Variants in E2F3 observed in about 807,000 individuals in gnomAD.
E2F3 encodes transcription factor E2F3.
E2F3 carries 11 observed loss-of-function variants against 44.4 expected under a neutral mutation model. The ratio of observed to expected loss-of-function variants is 0.25; its 90% CI spans 0.16 to 0.41. The LOEUF (loss-of-function observed/expected upper bound fraction) is 0.41, where lower values mean the gene tolerates loss of function less well. Ranked by LOEUF, E2F3 falls within the 10% of genes least tolerant of loss-of-function variation. E2F3 has a pLI of 1.00. For missense variants in E2F3, 487 were observed against 583.6 expected (o/e 0.83, Z 1.70); for synonymous variants, 249 against 253.0 (o/e 0.98, Z 0.15).
Position 20,402,709 on chromosome 6 carries a change from C to T in E2F3, c.393+84C>T. The T allele has an allele frequency of 7.9e-7, 1 of 1,271,990 alleles. No homozygotes were observed. Among genetic ancestry groups the T allele is most frequent in the East Asian group, 3.2e-5 (1 of 31,070 alleles). The allele number at this position is 1,271,990 out of a possible 1,614,324, so 78.8% of individuals were successfully genotyped here. A position where few individuals can be genotyped will look rare whatever the true frequency, so the allele number is the denominator to read the frequency against. On this transcript the variant is annotated intron_variant, in intron 1 of 6. Transcript: ENST00000346618. This position sits in a 1 kb window ranked among gnomAD's most constrained non-coding sequence, Gnocchi z 5.6. ...GGGGTCGTGGGCGCGCTGCGGGCCG[C>T]TCGGGGAGAGCACTGGGCCGAGCAT...
In E2F3 at chr6:20,435,051, T is replaced by C. The variant is rs553764583; in HGVS notation, c.393+32426T>C. On this transcript the variant is annotated intron_variant, in intron 1 of 6. Coordinates refer to ENST00000346618, the MANE Select transcript of E2F3 (RefSeq NM_001949.5). ...GTAAATGGGTGTGGTCCTGGACAAG[T>C]GAGGTCCTGCTGGATTATTTAAGAA... is the stretch of plus-strand genomic sequence containing the variant. Among the ~76,000 whole-genome samples the C allele has an allele frequency of 6.6e-5, 10 of 152,348 alleles. No homozygotes were observed. The East Asian group carries it at 1.9e-3, about 29-fold the overall frequency.
At chr6:20,483,315 A>G (rs764652097) in intron 4 of E2F3, among the ~76,000 whole-genome samples, 45 of 152,106 alleles carry the variant, frequency 3.0e-4, no homozygotes, top group Non-Finnish European at 5.9e-4. Flanking sequence ...GGCTTCCCAG[A>G]TTTTTGGTGG....
chr6:20,450,953 C>A (rs1213662334), intron 1 of E2F3, among the ~76,000 whole-genome samples: 1 of 152,054 alleles, frequency 6.6e-6, no homozygotes. Context: ...TGCGGCCTTA[C>A]TTCTGGGCTC....
At chr6:20,414,808 A>T (rs2127587108) in intron 1 of E2F3, among the ~76,000 whole-genome samples, 1 of 152,278 alleles carries the variant, frequency 6.6e-6, no homozygotes, top group South Asian at 2.1e-4. Flanking sequence ...TTGGAAATGC[A>T]TGCGTGACAC....
At chr6:20,445,156 G>T in intron 1 of E2F3, 5 of 985,162 alleles carry the variant, frequency 5.1e-6, no homozygotes, top group Non-Finnish European at 6.0e-6. Context: ...TGGCAGCAGC[G>T]CCTTGTACTT....
chr6:20,411,715 G>C (rs1759679220), intron 1 of E2F3, among the ~76,000 whole-genome samples: 1 of 152,062 alleles, frequency 6.6e-6, no homozygotes, highest in African/African-American at 2.4e-5. Context: ...CCTCCCACTG[G>C]CCCATTGAGG....
chr6:20,453,763 G>A lies in E2F3; in HGVS notation c.394-26083G>A, dbSNP rs559330690. 3.9e-5 allele frequency among the ~76,000 whole-genome samples: 6 copies of A among 152,188 alleles called. No homozygotes were observed. In the South Asian group the frequency reaches 8.3e-4, roughly 21 times the overall value. ...ATTTCCCTAACCACTTAGTCAAAAT[G>A]CCCACCTTTCCTCCCACTGAAGTGC... On this transcript the variant is annotated intron_variant, in intron 1 of 6. Coordinates refer to ENST00000346618, the MANE Select transcript of E2F3 (RefSeq NM_001949.5).
At chr6:20,415,383 T>C (rs1462702297) in intron 1 of E2F3, among the ~76,000 whole-genome samples, 8 of 152,232 alleles carry the variant, frequency 5.3e-5, no homozygotes, top group Non-Finnish European at 1.0e-4. Flanking sequence ...AACATTTTGG[T>C]CAGATACTTC....
At chr6:20,435,928 A>G (rs541512754) in intron 1 of E2F3, among the ~76,000 whole-genome samples, 1 of 151,870 alleles carries the variant, frequency 6.6e-6, no homozygotes, top group South Asian at 2.1e-4. Flanking sequence ...CTTCCCTGGA[A>G]GAAAGAGAAC....
rs1238574905 is a variant in E2F3, at chr6:20,402,765, G to A, written c.393+140G>A. Reference sequence around the variant, plus strand: ...GCCTCGGGGGCTGCCCCTCCAACGAGGGTTCATTGTTAGACCTGAGTGCTC... The same window carrying A: ...GCCTCGGGGGCTGCCCCTCCAACGAAGGTTCATTGTTAGACCTGAGTGCTC... On this transcript the variant is annotated intron_variant, in intron 1 of 6. Coordinates refer to ENST00000346618, the MANE Select transcript of E2F3 (RefSeq NM_001949.5). The surrounding 1 kb of genome is among the most constrained non-coding windows in gnomAD (Gnocchi z 5.6). 10 of 1,246,466 alleles carry A rather than the reference G, an allele frequency of 8.0e-6. No individual in the cohort carries two copies. The highest frequency in any genetic ancestry group is 1.6e-5 in the African/African-American group (1 of 63,998). 77.2% of individuals were successfully genotyped at this position (1,246,466 alleles called of 1,614,324 possible).
chr6:20,478,549 C>G (rs1287335186), intron 1 of E2F3, among the ~76,000 whole-genome samples: 1 of 152,224 alleles, frequency 6.6e-6, no homozygotes, highest in Admixed American at 6.5e-5. Context: ...TGGCTCACGC[C>G]TGTAATCCCA....
chr6:20,419,709 C>T lies in E2F3; in HGVS notation c.393+17084C>T, dbSNP rs867388289. ...GCCTCCCCAGTAGCTGGACTACAGG[C>T]GCACGCCACCATGGCTGGCTACTTT... On this transcript the variant is annotated intron_variant, in intron 1 of 6. Transcript: ENST00000346618. Among the ~76,000 whole-genome samples the T allele has an allele frequency of 4.2e-5, 6 of 144,058 alleles. No homozygotes were observed. In the South Asian group the frequency reaches 6.3e-4, roughly 15 times the overall value. 94.5% of individuals were successfully genotyped at this position (144,058 alleles called of 152,430 possible).
intron 1 of E2F3, among the ~76,000 whole-genome samples, chr6:20,420,779 A>G (rs1760001159): frequency 6.6e-6 from 1 of 152,208 alleles, no homozygotes; most frequent in African/African-American, 2.4e-5. Flanking sequence ...AAGTCATTGA[A>G]TGCTGGGGCA....
intron 4 of E2F3, 75 bp from the exon 5 acceptor site, chr6:20,486,614 C>T (rs2127625898): frequency 1.2e-6 from 1 of 822,684 alleles, no homozygotes; most frequent in Non-Finnish European, 2.0e-6. Flanking sequence ...TAAAATATTC[C>T]ATGCATCTAT....
intron 4 of E2F3, among the ~76,000 whole-genome samples, chr6:20,486,224 A>G (rs1054479238): frequency 6.6e-6 from 1 of 152,204 alleles, no homozygotes; most frequent in Admixed American, 6.5e-5. Flanking sequence ...GTCAACCAGA[A>G]ATGAAGATTC....
At chr6:20,414,088 A>G (rs991257335) in intron 1 of E2F3, among the ~76,000 whole-genome samples, 1 of 152,212 alleles carries the variant, frequency 6.6e-6, no homozygotes, top group Non-Finnish European at 1.5e-5. Context: ...GGACTTTGGC[A>G]TAGAGGTTAT....
chr6:20,437,490 TC>T (rs1468078216), intron 1 of E2F3, among the ~76,000 whole-genome samples: 2 of 151,912 alleles, frequency 1.3e-5, no homozygotes, highest in Non-Finnish European at 2.9e-5. Context: ...CTTTTTTTTT[TC>T]AAAAAAATTT....
At chr6:20,463,803 G>T (rs552082510) in intron 1 of E2F3, among the ~76,000 whole-genome samples, 1 of 152,152 alleles carries the variant, frequency 6.6e-6, no homozygotes, top group African/African-American at 2.4e-5. Context: ...CAGAGATAGC[G>T]TCAGATCCCA....
intron 1 of E2F3, among the ~76,000 whole-genome samples, chr6:20,441,376 T>G (rs913010622): frequency 5.3e-5 from 8 of 152,250 alleles, no homozygotes; most frequent in African/African-American, 1.9e-4. Context: ...ATGGTATGTA[T>G]AAGGCCCCAT....
Sources: allele counts gnomAD v4.1 joint callset (sites outside exome capture counted in the v4.1 genomes callset), GRCh38; gene constraint gnomAD v4.1.1; non-coding constraint Gnocchi (gnomAD v3.1); transcripts MANE v1.5; gene names NCBI Gene and HGNC (gene_info 2026-07-23, HGNC 2026-07-21).